The following ARHGAP32 variants were observed in gnomAD, a reference collection of about 807,000 sequenced individuals.
The protein encoded by ARHGAP32 is Rho GTPase activating protein 32.
ARHGAP32 carries 51 observed loss-of-function variants against 186.5 expected under a neutral mutation model. The ratio of observed to expected loss-of-function variants is 0.27; its 90% CI spans 0.22 to 0.35. The LOEUF is 0.35. Among genes scored for constraint, ARHGAP32 ranks in the 10% least tolerant of loss-of-function variants. The probability of loss-of-function intolerance (pLI) is 1.00; values close to 1 mark genes in which losing one functional copy is unlikely to be tolerated. For missense variants in ARHGAP32, 2,186 were observed against 2,623.5 expected (o/e 0.83, Z 3.64); for synonymous variants, 950 against 964.3 (o/e 0.99, Z 0.27).
At position 129,241,975 on chromosome 11, in the gene ARHGAP32, T is replaced by C. The variant is rs555872128; in HGVS notation, c.-5+37171A>G. ...AGGAAGCTGAAAGAGCTGAAAAACA[T>C]TGTTTCTATAGAGTAGAAATGGGAG... On this transcript the variant is annotated intron_variant, in intron 1 of 6. Coordinates refer to the ARHGAP32 transcript ENST00000525234. Among the ~76,000 whole-genome samples, 15 of 152,280 alleles carry C rather than the reference T, an allele frequency of 9.9e-5. No homozygotes were observed. The East Asian group carries it at 2.7e-3, about 27-fold the overall frequency.
At chr11:129,242,267 G>A (rs931652593) in intron 1 of ARHGAP32, among the ~76,000 whole-genome samples, 1 of 152,132 alleles carries the variant, frequency 6.6e-6, no homozygotes, top group Non-Finnish European at 1.5e-5. Flanking sequence ...CCTCCTCCTA[G>A]CCCTGTTCAG....
intron 2 of ARHGAP32, among the ~76,000 whole-genome samples, chr11:129,140,644 C>T (rs1943031622): frequency 1.3e-5 from 2 of 152,126 alleles, no homozygotes; most frequent in African/African-American, 4.8e-5. Flanking sequence ...CATCCCAAAC[C>T]ACCTTCTTAA....
intron 11 of ARHGAP32, among the ~76,000 whole-genome samples, chr11:129,034,194 C>A (rs977502471): frequency 1.3e-5 from 2 of 152,150 alleles, no homozygotes; most frequent in Non-Finnish European, 2.9e-5. Context: ...ACTATGATGA[C>A]CTCCTCTACT....
chr11:128,969,847 T>C lies in ARHGAP32; in HGVS notation c.5366A>G (p.Asn1789Ser). Residue 1789 changes from asparagine to serine, a missense_variant, in exon 23 of 23, where the codon AAC (asparagine) becomes AGC (serine). Physicochemically the swap from Asn to Ser is conservative, Grantham distance 46. Coordinates refer to ENST00000682385, the MANE Select transcript of ARHGAP32 (RefSeq NM_001378024.1). The surrounding 1 kb of genome is among the most constrained non-coding windows in gnomAD (Gnocchi z 4.8). ...VKGPVMSQYDNMTPAVQDDLG... is the reference protein window; with the variant it reads ...VKGPVMSQYDSMTPAVQDDLG... ...GTCGTCCTGCACCGCCGGGGTCATG[T>C]TATCATATTGGGACATGACAGGCCC... 5 of 1,614,174 alleles carry C rather than the reference T, an allele frequency of 3.1e-6. No homozygotes were observed. The highest frequency in any genetic ancestry group is 3.4e-6 in the Non-Finnish European group (4 of 1,180,028).
chr11:128,976,559 T>A lies in ARHGAP32; in HGVS notation c.2194+4A>T, dbSNP rs752284970. On this transcript the variant is annotated splice_donor_region_variant and intron_variant, in intron 20 of 22. Transcript: ENST00000682385. ...AATAAAATGACTGATGCTTTTAGTC[T>A]TACCATCAACTGCATGGAGAGATGT... 2 of 1,612,136 alleles carry A rather than the reference T, an allele frequency of 1.2e-6. No homozygotes were observed. The highest frequency in any genetic ancestry group is 1.7e-6 in the Non-Finnish European group (2 of 1,178,256).
chr11:129,202,090 A>G (rs1404677843), intron 1 of ARHGAP32, among the ~76,000 whole-genome samples: 1 of 152,112 alleles, frequency 6.6e-6, no homozygotes, highest in East Asian at 1.9e-4. Flanking sequence ...ATATACATAT[A>G]CACACATATA....
intron 5 of ARHGAP32, among the ~76,000 whole-genome samples, chr11:129,115,463 C>CTGAG (rs1942342237): frequency 6.6e-6 from 1 of 152,070 alleles, no homozygotes; most frequent in Admixed American, 6.6e-5. Context: ...GTTTTCTCAG[C>CTGAG]TGAGTATCTG....
At chr11:129,111,644 A>T (rs921420822) in intron 5 of ARHGAP32, among the ~76,000 whole-genome samples, 3 of 152,226 alleles carry the variant, frequency 2.0e-5, no homozygotes, top group African/African-American at 7.2e-5. Context: ...CGTGCCCAGA[A>T]ATTTATCCGT....
chr11:129,081,789 C>T (rs1206977400), intron 6 of ARHGAP32, among the ~76,000 whole-genome samples: 2 of 151,724 alleles, frequency 1.3e-5, no homozygotes, highest in African/African-American at 4.8e-5. Context: ...GGCATTCAGA[C>T]TGGTAAAGAG....
chr11:129,167,369 A>G (rs1943661108), intron 1 of ARHGAP32, among the ~76,000 whole-genome samples: 1 of 152,132 alleles, frequency 6.6e-6, no homozygotes, highest in African/African-American at 2.4e-5. Flanking sequence ...TACTCCTGGT[A>G]TTTAATCAAG....
At chr11:129,262,937 G>GAGTACT in intron 1 of ARHGAP32, among the ~76,000 whole-genome samples, 1 of 152,174 alleles carries the variant, frequency 6.6e-6, no homozygotes, top group East Asian at 1.9e-4. Context: ...AAATTAGTAT[G>GAGTACT]AGTACTAGTA....
rs1339565010 is a variant in ARHGAP32, at chr11:128,969,248, G to C, written c.5965C>G (p.Gln1989Glu). ...DCYKEEEHLT[Q>E]SIVPPPKPER... Reference sequence around the variant, plus strand: ...GGTTTAGGGGGTGGGACGATTGACTGAGTGAGGTGTTCTTCCTCCTTGTAG... The same window carrying C: ...GGTTTAGGGGGTGGGACGATTGACTCAGTGAGGTGTTCTTCCTCCTTGTAG... Residue 1989 changes from glutamine (Q) to glutamate (E), a missense_variant, in exon 23 of 23, where the codon CAG becomes GAG. By Grantham distance (29) the Gln-to-Glu change is conservative (BLOSUM62 2). Around this residue, in one of 5 missense-constraint regions of ARHGAP32, gnomAD observed 1,502 missense variants for 1,570.0 expected, o/e 0.96. Coordinates refer to ENST00000682385, the MANE Select transcript of ARHGAP32 (RefSeq NM_001378024.1). This position sits in a 1 kb window ranked among gnomAD's most constrained non-coding sequence, Gnocchi z 4.8. The C allele has an allele frequency of 5.0e-6, 8 of 1,614,152 alleles. No homozygotes were observed. Among genetic ancestry groups the C allele is most frequent in the Non-Finnish European group, 5.9e-6 (7 of 1,179,994 alleles).
At chr11:129,221,073 G>GA (rs200926036) in intron 1 of ARHGAP32, among the ~76,000 whole-genome samples, 33 of 146,874 alleles carry the variant, frequency 2.2e-4, no homozygotes, top group Non-Finnish European at 2.3e-4. Context: ...TTCTAACTAG[G>GA]AAAAAAAAAA....
intron 6 of ARHGAP32, among the ~76,000 whole-genome samples, chr11:129,081,761 C>A (rs1471050725): frequency 6.6e-6 from 1 of 151,530 alleles, no homozygotes; most frequent in Non-Finnish European, 1.5e-5. Flanking sequence ...AACTATCAGA[C>A]AAGAGAGTGA....
chr11:129,102,977 G>T (rs958387871), intron 5 of ARHGAP32, among the ~76,000 whole-genome samples: 7 of 152,110 alleles, frequency 4.6e-5, no homozygotes, highest in African/African-American at 1.7e-4. Context: ...GTAACCCAAT[G>T]CCCATCAACA....
At chr11:129,059,792 C>T (rs1027067526) in intron 10 of ARHGAP32, among the ~76,000 whole-genome samples, 3 of 152,092 alleles carry the variant, frequency 2.0e-5, no homozygotes, top group African/African-American at 7.2e-5. Context: ...GCCACTGCCC[C>T]TAGCCTGAAT....
chr11:129,215,582 C>T (rs951401675), intron 1 of ARHGAP32, among the ~76,000 whole-genome samples: 2 of 152,076 alleles, frequency 1.3e-5, no homozygotes, highest in African/African-American at 2.4e-5. Flanking sequence ...TTCTAAAGGC[C>T]ATTTACATTC....
chr11:129,187,870 T>C (rs192563386), intron 1 of ARHGAP32, among the ~76,000 whole-genome samples: 211 of 152,278 alleles, frequency 1.4e-3, no homozygotes, highest in East Asian at 1.4e-3. Flanking sequence ...CAGTATAAAA[T>C]GGGCCTGGGT....
At chr11:129,058,219 A>ACTCT (rs1162100441) in intron 10 of ARHGAP32, among the ~76,000 whole-genome samples, 10 of 80,700 alleles carry the variant, frequency 1.2e-4, no homozygotes, top group African/African-American at 3.7e-4. Flanking sequence ...ACACACACAC[A>ACTCT]CACTCTCTCT....
Sources: gnomAD v4.1 joint callset for allele counts (sites outside exome capture counted in the v4.1 genomes callset) on GRCh38, gnomAD v4.1.1 for gene constraint, gnomAD v4.1.1 regional missense constraint, Gnocchi (gnomAD v3.1) non-coding constraint, MANE v1.5 for transcripts, NCBI Gene and HGNC (gene_info 2026-07-23, HGNC 2026-07-21) for gene names.